Variants in NWD2 observed in about 807,000 individuals in gnomAD.
NWD2 encodes the protein NACHT and WD repeat domain containing 2, also known as NACHT and WD repeat domain-containing protein 2.
A neutral mutation model predicts 132.7 loss-of-function variants in NWD2; 37 were observed. The observed-to-expected ratio is 0.28, with a 90% CI of 0.21 to 0.37. The LOEUF is 0.37. Ranked by LOEUF, NWD2 falls within the 10% of genes least tolerant of loss-of-function variation. The pLI, the probability that NWD2 is intolerant of heterozygous loss-of-function variation, is 1.00. For synonymous variants in NWD2, 705 were observed against 803.0 expected (o/e 0.88, Z 2.06); for missense variants, 1,592 against 2,122.4 (o/e 0.75, Z 4.91).
At chr4:37,246,454 C>T (rs1577642579) in intron 1 of NWD2, among the ~76,000 whole-genome samples, 1 of 152,186 alleles carries the variant, frequency 6.6e-6, no homozygotes, top group East Asian at 1.9e-4. Flanking sequence ...TCTTGGGGGA[C>T]GGCACGACTG....
chr4:37,439,165 G>A lies in NWD2; in HGVS notation c.1071G>A (p.Thr357=), dbSNP rs766789155. Reference sequence around the variant, plus strand: ...ACATGATTGATATAATTCAGGCAACGATACAACAGAATTTTGACACTGAAA... The same window carrying A: ...ACATGATTGATATAATTCAGGCAACAATACAACAGAATTTTGACACTGAAA... ...YEDMIDIIQA[T]IQQNFDTETD... Residue 357 remains threonine (T), a synonymous_variant, in exon 6 of 7, where the codon ACG becomes ACA. Transcript: ENST00000309447. This position sits in a 1 kb window ranked among gnomAD's most constrained non-coding sequence, Gnocchi z 4.5. 21 of 1,550,032 alleles carry A rather than the reference G, an allele frequency of 1.4e-5. No individual in the cohort carries two copies. Among genetic ancestry groups the A allele is most frequent in the African/African-American group, 8.2e-5 (6 of 72,914 alleles).
intron 3 of NWD2, among the ~76,000 whole-genome samples, chr4:37,383,713 GC>G (rs1720505008): frequency 6.6e-6 from 1 of 152,172 alleles, no homozygotes; most frequent in Non-Finnish European, 1.5e-5. Context: ...ATAGGTAACT[GC>G]TTTGTACACT....
At chr4:37,257,463 G>A (rs534776571) in intron 1 of NWD2, among the ~76,000 whole-genome samples, 9 of 152,118 alleles carry the variant, frequency 5.9e-5, no homozygotes, top group South Asian at 4.1e-4. Flanking sequence ...AAAAATTGGA[G>A]CAATAATACC....
At chr4:37,270,084 CT>C (rs1377085556) in intron 1 of NWD2, among the ~76,000 whole-genome samples, 1 of 151,600 alleles carries the variant, frequency 6.6e-6, no homozygotes, top group Non-Finnish European at 1.5e-5. Flanking sequence ...AATTGGGCAT[CT>C]TTTTGTTCTT....
intron 1 of NWD2, among the ~76,000 whole-genome samples, chr4:37,250,221 G>C (rs1456600076): frequency 1.3e-5 from 2 of 151,774 alleles, no homozygotes; most frequent in Non-Finnish European, 2.9e-5. Context: ...TAAAACCTAA[G>C]TTGTCAGGGG....
At chr4:37,339,839 T>C (rs996178425) in intron 2 of NWD2, among the ~76,000 whole-genome samples, 2 of 152,062 alleles carry the variant, frequency 1.3e-5, no homozygotes, top group Non-Finnish European at 2.9e-5. Flanking sequence ...CCTCCCATCC[T>C]CCCACCATTC....
Position 37,443,884 on chromosome 4 carries a change from C to T in NWD2, c.1896C>T (p.Ser632=), listed in dbSNP as rs932719216. 2.6e-6 allele frequency: 4 copies of T among 1,552,332 alleles called. No individual in the cohort carries two copies. In the Admixed American group the frequency reaches 7.8e-5, roughly 30 times the overall value. ...HWRSHKDVDE[S]SLSVTVHESI... is the part of the protein sequence containing the mutation. The stretch of plus-strand genomic sequence containing the variant: ...GATCTCACAAAGACGTCGATGAATC[C>T]TCCCTCTCTGTCACCGTTCATGAAA... Residue 632 remains serine, a synonymous_variant, in exon 7 of 7, where the codon TCC becomes TCT. Transcript: ENST00000309447. This position sits in a 1 kb window ranked among gnomAD's most constrained non-coding sequence, Gnocchi z 4.1.
chr4:37,358,158 G>A (rs1719907647), intron 3 of NWD2, among the ~76,000 whole-genome samples: 1 of 152,122 alleles, frequency 6.6e-6, no homozygotes, highest in African/African-American at 2.4e-5. Context: ...ATTCAATTCT[G>A]TAATCTTCAA....
intron 3 of NWD2, among the ~76,000 whole-genome samples, chr4:37,409,108 A>T (rs1406702740): frequency 6.6e-6 from 1 of 152,144 alleles, no homozygotes; most frequent in Non-Finnish European, 1.5e-5. Context: ...TCTCCTCCAA[A>T]GGATCACAAC....
In NWD2 at chr4:37,286,186, G is replaced by A. The variant is rs373160278; in HGVS notation, c.152-39750G>A. ...AATAACTTCTAATATGATTGGGTAA[G>A]TTAATCATTTTCGGTGTTTTAACTA... On this transcript the variant is annotated intron_variant, in intron 1 of 6. Transcript: ENST00000309447. 5.3e-5 allele frequency among the ~76,000 whole-genome samples: 8 copies of A among 152,326 alleles called. No individual in the cohort carries two copies. In the East Asian group the frequency reaches 1.3e-3, roughly 26 times the overall value.
intron 3 of NWD2, among the ~76,000 whole-genome samples, chr4:37,393,297 T>C (rs532062581): frequency 8.7e-4 from 133 of 152,342 alleles, no homozygotes; most frequent in African/African-American, 3.0e-3. Context: ...GGGCCTTTTA[T>C]ATATTTTCTC....
chr4:37,407,225 G>GA (rs977395594), intron 3 of NWD2, among the ~76,000 whole-genome samples: 1 of 152,058 alleles, frequency 6.6e-6, no homozygotes, highest in African/African-American at 2.4e-5. Context: ...AGAACTTAAA[G>GA]AAAAAAATGA....
At chr4:37,382,384 T>C (rs901021198) in intron 3 of NWD2, among the ~76,000 whole-genome samples, 2 of 152,154 alleles carry the variant, frequency 1.3e-5, no homozygotes, top group African/African-American at 4.8e-5. Flanking sequence ...AAGAGATTGA[T>C]TTTGGCCCTC....
chr4:37,312,888 C>T (rs956860559), intron 1 of NWD2, among the ~76,000 whole-genome samples: 1 of 150,602 alleles, frequency 6.6e-6, no homozygotes, highest in African/African-American at 2.5e-5. Context: ...TTGAGATAAT[C>T]GTGGTTTTTG....
chr4:37,369,499 G>C (rs1233629035), intron 3 of NWD2, among the ~76,000 whole-genome samples: 1 of 152,086 alleles, frequency 6.6e-6, no homozygotes, highest in African/African-American at 2.4e-5. Flanking sequence ...GCTTACATGA[G>C]GGTTTTGTAT....
rs1361936455 is a variant in NWD2, at chr4:37,446,089, C to T, written c.4101C>T (p.Ser1367=). The change falls in exon 7 of 7, where the codon TCC becomes TCT. Residue 1367 remains serine, a synonymous_variant. Transcript: ENST00000309447. The surrounding 1 kb of genome is among the most constrained non-coding windows in gnomAD (Gnocchi z 6.7). ...TAGTTGAACACTGTGTGTTAACATC[C>T]ACCGGAGATATAATGGTGACATCAG... ...EGIVEHCVLT[S]TGDIMVTSDD... 1 of 1,551,632 alleles carries T rather than the reference C, an allele frequency of 6.4e-7. No individual in the cohort carries two copies. The highest frequency in any genetic ancestry group is 1.4e-5 in the African/African-American group (1 of 73,148).
At chr4:37,334,403 A>C (rs73240375) in intron 2 of NWD2, among the ~76,000 whole-genome samples, 23,631 of 152,212 alleles carry the variant, frequency 0.16, 2,344 homozygotes, top group South Asian at 0.32. Flanking sequence ...CTTGGAGCAC[A>C]TCTTCCTGAT....
chr4:37,257,908 A>G (rs1382934442), intron 1 of NWD2, among the ~76,000 whole-genome samples: 1 of 152,240 alleles, frequency 6.6e-6, no homozygotes, highest in Non-Finnish European at 1.5e-5. Flanking sequence ...AACAGAGTTC[A>G]ATAAAATGAC....
In NWD2 at chr4:37,448,165, T is replaced by C. The variant is rs1278035518; in HGVS notation, c.*948T>C. On this transcript the variant is annotated 3_prime_UTR_variant, in exon 7 of 7. Coordinates refer to ENST00000309447, the MANE Select transcript of NWD2 (RefSeq NM_001144990.2). ...TAGTCTTCATAGAAAGCAAGCTTTC[T>C]CAACATGCCATCTCTGAGATACTGA... The C allele has an allele frequency of 6.6e-6, 1 of 152,232 alleles. No individual in the cohort carries two copies. The highest frequency in any genetic ancestry group is 1.5e-5 in the Non-Finnish European group (1 of 68,038). 9.4% of individuals were successfully genotyped at this position (152,232 alleles called of 1,614,324 possible). A position where few individuals can be genotyped will look rare whatever the true frequency, so the allele number is the denominator to read the frequency against.
Sources: allele counts gnomAD v4.1 joint callset (sites outside exome capture counted in the v4.1 genomes callset), GRCh38; gene constraint gnomAD v4.1.1; non-coding constraint Gnocchi (gnomAD v3.1); transcripts MANE v1.5; gene names NCBI Gene and HGNC (gene_info 2026-07-23, HGNC 2026-07-21).